Variants in SLC35F2 observed in about 807,000 individuals in gnomAD.
SLC35F2 encodes queuine/queuosine transporter SLC35F2.
A neutral mutation model predicts 38.1 loss-of-function variants in SLC35F2; 25 were observed. The ratio of observed to expected loss-of-function variants is 0.66; its 90% CI spans 0.48 to 0.92. SLC35F2 has a LOEUF of 0.92. SLC35F2 is among the 40% of genes least tolerant of loss of function. SLC35F2 has a pLI of 0.00. For missense variants in SLC35F2, 409 were observed against 452.9 expected (o/e 0.90, Z 0.88); for synonymous variants, 173 against 181.7 (o/e 0.95, Z 0.38).
intron 1 of SLC35F2, among the ~76,000 whole-genome samples, chr11:107,850,707 A>G (rs2134860897): frequency 6.6e-6 from 1 of 151,424 alleles, no homozygotes; most frequent in Middle Eastern, 3.4e-3. Context: ...CTGTAATCCC[A>G]GCTACTCGGG....
intron 3 of SLC35F2, among the ~76,000 whole-genome samples, chr11:107,807,286 AC>A (rs1324484336): frequency 4.8e-4 from 42 of 87,312 alleles, no homozygotes; most frequent in Middle Eastern, 5.2e-3. Flanking sequence ...AAAAAAAAAA[AC>A]AACAACAAAA....
At chr11:107,825,967 G>A (rs1354398459) in intron 1 of SLC35F2, among the ~76,000 whole-genome samples, 2 of 152,028 alleles carry the variant, frequency 1.3e-5, no homozygotes, top group Non-Finnish European at 2.9e-5. Flanking sequence ...TTGTCTCAAG[G>A]AATCTACCCC....
At position 107,826,154 on chromosome 11, in the gene SLC35F2, T is replaced by C. The variant is rs142471556; in HGVS notation, c.111-10189A>G. Among the ~76,000 whole-genome samples the C allele has an allele frequency of 1.2e-3, 190 of 152,326 alleles. 1 individual carries two copies. The East Asian group carries it at 0.013, about 11-fold the overall frequency. ...ATAAAAAGCAAGGCACATATTTATA[T>C]GTACTGTTATAAAGTGACTGCCAGG... On this transcript the variant is annotated intron_variant, in intron 1 of 7. Coordinates refer to ENST00000525815, the MANE Select transcript of SLC35F2 (RefSeq NM_017515.5).
intron 7 of SLC35F2, among the ~76,000 whole-genome samples, chr11:107,798,154 C>G (rs148680806): frequency 0.026 from 3,898 of 152,146 alleles, 76 homozygotes; most frequent in Non-Finnish European, 0.033. Context: ...CAGGTGCCCG[C>G]CATCATGCCC....
chr11:107,842,843 C>T (rs1032349832), intron 1 of SLC35F2, among the ~76,000 whole-genome samples: 11 of 152,152 alleles, frequency 7.2e-5, no homozygotes, highest in African/African-American at 2.2e-4. Context: ...ACATGATCAA[C>T]AGGAGATCTG....
intron 7 of SLC35F2, among the ~76,000 whole-genome samples, chr11:107,796,079 A>C (rs918138819): frequency 5.1e-4 from 78 of 152,196 alleles, no homozygotes; most frequent in African/African-American, 1.7e-3. Flanking sequence ...CAGTGAGCCG[A>C]GATCATGCCA....
At chr11:107,817,400 A>C (rs1452704708) in intron 1 of SLC35F2, among the ~76,000 whole-genome samples, 1 of 152,170 alleles carries the variant, frequency 6.6e-6, no homozygotes, top group Non-Finnish European at 1.5e-5. Context: ...AGGAAGAAAC[A>C]ATCTGGAGGC....
intron 1 of SLC35F2, among the ~76,000 whole-genome samples, chr11:107,853,771 C>CACT (rs1411075555): frequency 2.7e-5 from 4 of 149,170 alleles, no homozygotes; most frequent in African/African-American, 4.9e-5. Flanking sequence ...CCATGTCCAG[C>CACT]ACTCTGCTAC....
intron 1 of SLC35F2, among the ~76,000 whole-genome samples, chr11:107,854,214 T>G (rs1860239717): frequency 6.6e-6 from 1 of 151,990 alleles, no homozygotes; most frequent in African/African-American, 2.4e-5. Flanking sequence ...GGTGGATCAC[T>G]TGAGCCAAAG....
At chr11:107,800,737 A>G (rs551494978) in intron 7 of SLC35F2, among the ~76,000 whole-genome samples, 1 of 152,036 alleles carries the variant, frequency 6.6e-6, no homozygotes, top group East Asian at 1.9e-4. Context: ...GCACATTACC[A>G]TATCTGGCTC....
intron 1 of SLC35F2, among the ~76,000 whole-genome samples, chr11:107,836,126 A>G (rs967141799): frequency 6.6e-6 from 1 of 152,216 alleles, no homozygotes; most frequent in Admixed American, 6.5e-5. Flanking sequence ...AGTAGCAATT[A>G]TTGGTTTATT....
Position 107,805,439 on chromosome 11 carries a change from T to G in SLC35F2, c.651A>C (p.Glu217Asp), listed in dbSNP as rs749712590. 1 of 1,614,138 alleles carries G rather than the reference T, an allele frequency of 6.2e-7. No homozygotes were observed. Among genetic ancestry groups the G allele is most frequent in the Non-Finnish European group, 8.5e-7 (1 of 1,180,016 alleles). ...GTCTGCTCAGCTTCTTCACGATGTA[T>G]TCCTCACAAACATTTGAAATGGCAT... ...SLYAISNVCE[E>D]YIVKKLSRQE... is the part of the protein sequence containing the mutation. The change falls in exon 5 of 8, where the codon GAA becomes GAC. Residue 217 changes from glutamate (E) to aspartate (D), a missense_variant. Glu to Asp is a conservative substitution (Grantham distance 45, BLOSUM62 2). Transcript: ENST00000525815.
chr11:107,851,703 T>C lies in SLC35F2; in HGVS notation c.110+6955A>G, dbSNP rs544071158. On this transcript the variant is annotated intron_variant, in intron 1 of 7. Coordinates refer to ENST00000525815, the MANE Select transcript of SLC35F2 (RefSeq NM_017515.5). ...GGTCAGTAATGTAACAATCAGAATATACAATGGCCATAACTAGATATGATT... is the reference window on the plus strand; with the variant it reads ...GGTCAGTAATGTAACAATCAGAATACACAATGGCCATAACTAGATATGATT... 3.9e-5 allele frequency among the ~76,000 whole-genome samples: 6 copies of C among 152,112 alleles called. No individual in the cohort carries two copies. In the South Asian group the frequency reaches 1.0e-3, roughly 26 times the overall value.
At chr11:107,806,027 C>A (rs960487358) in intron 4 of SLC35F2, among the ~76,000 whole-genome samples, 3 of 152,306 alleles carry the variant, frequency 2.0e-5, no homozygotes, top group African/African-American at 7.2e-5. Context: ...AGGTGATCCA[C>A]CCACCTTGGC....
At chr11:107,794,640 G>A (rs1168843688) in intron 7 of SLC35F2, among the ~76,000 whole-genome samples, 1 of 151,976 alleles carries the variant, frequency 6.6e-6, no homozygotes, top group Non-Finnish European at 1.5e-5. Flanking sequence ...TTAAGAACTG[G>A]AAAAAAACAA....
At chr11:107,827,160 T>C (rs1175691235) in intron 1 of SLC35F2, among the ~76,000 whole-genome samples, 1 of 152,162 alleles carries the variant, frequency 6.6e-6, no homozygotes, top group Non-Finnish European at 1.5e-5. Context: ...AAAGGTACAA[T>C]TGACTCATGA....
At position 107,813,998 on chromosome 11, in the gene SLC35F2, G is replaced by A. The variant is rs188807676; in HGVS notation, c.286+1792C>T. On this transcript the variant is annotated intron_variant, in intron 2 of 7. Coordinates refer to ENST00000525815, the MANE Select transcript of SLC35F2 (RefSeq NM_017515.5). ...CAATAAAGACTTTTAGATAGCTGGT[G>A]CATGGGATGAAATAAATTACTCTAA... is the stretch of plus-strand genomic sequence containing the variant. 3.0e-4 allele frequency among the ~76,000 whole-genome samples: 46 copies of A among 152,208 alleles called. No homozygotes were observed. In the East Asian group the frequency reaches 4.6e-3, roughly 15 times the overall value.
At chr11:107,835,125 C>T (rs552333137) in intron 1 of SLC35F2, among the ~76,000 whole-genome samples, 9 of 152,322 alleles carry the variant, frequency 5.9e-5, no homozygotes, top group Admixed American at 1.3e-4. Flanking sequence ...ATCATTAACA[C>T]GCACACTCAC....
chr11:107,855,103 C>T (rs1166370115), intron 1 of SLC35F2, among the ~76,000 whole-genome samples: 1 of 152,148 alleles, frequency 6.6e-6, no homozygotes, highest in Non-Finnish European at 1.5e-5. Context: ...AATCCAAAAT[C>T]CAAGTGCTTG....
Sources: allele counts gnomAD v4.1 joint callset (sites outside exome capture counted in the v4.1 genomes callset), GRCh38; gene constraint gnomAD v4.1.1; transcripts MANE v1.5; gene names NCBI Gene and HGNC (gene_info 2026-07-23, HGNC 2026-07-21).